The following TAF8 variants were observed in gnomAD, a reference collection of about 807,000 sequenced individuals.
TAF8 encodes the protein transcription initiation factor TFIID subunit 8.
In TAF8, 47 loss-of-function variants were observed where a neutral mutation model predicts 36.5. The ratio of observed to expected loss-of-function variants is 1.29; its 90% CI spans 1.02 to 1.64. The LOEUF is 1.64. Among genes scored for constraint, TAF8 ranks in the 40% most tolerant of loss-of-function variants. The pLI is 0.00. For synonymous variants in TAF8, 175 were observed against 159.5 expected (o/e 1.10, Z -0.73); for missense variants, 420 against 407.6 (o/e 1.03, Z -0.26).
chr6:42,054,176 A>G (rs2127449099), intron 2 of TAF8, among the ~76,000 whole-genome samples: 1 of 152,278 alleles, frequency 6.6e-6, no homozygotes, highest in East Asian at 1.9e-4. Context: ...AAGCTCATTC[A>G]CAGAGCCGAG....
At chr6:42,064,050 T>G (rs1051046266) in intron 5 of TAF8, among the ~76,000 whole-genome samples, 2 of 152,236 alleles carry the variant, frequency 1.3e-5, no homozygotes, top group Non-Finnish European at 2.9e-5. Context: ...CATCATTGGC[T>G]GCTCTTAATA....
At chr6:42,052,326 C>T (rs943011493) in intron 2 of TAF8, among the ~76,000 whole-genome samples, 5 of 151,136 alleles carry the variant, frequency 3.3e-5, no homozygotes, top group Middle Eastern at 3.2e-3. Flanking sequence ...AGCCCCCCCC[C>T]CCTTTTTTTT....
At chr6:42,085,129 T>C (rs1582258205), downstream of TAF8, among the ~76,000 whole-genome samples, 1 of 152,192 alleles carries the variant, frequency 6.6e-6, no homozygotes, top group Non-Finnish European at 1.5e-5. Flanking sequence ...TTTTTATACA[T>C]GAATGGTAGC....
chr6:42,075,879 C>T (rs1343896193), intron 7 of TAF8, among the ~76,000 whole-genome samples: 1 of 152,184 alleles, frequency 6.6e-6, no homozygotes, highest in Admixed American at 6.5e-5. Flanking sequence ...TGTGAACTTA[C>T]AAACTTTTCT....
intron 7 of TAF8, among the ~76,000 whole-genome samples, chr6:42,076,307 G>A (rs1204993985): frequency 3.3e-5 from 5 of 151,942 alleles, no homozygotes; most frequent in African/African-American, 7.3e-5. Flanking sequence ...AAAATTAGCC[G>A]GGCGTCATGG....
chr6:42,074,550 T>C (rs917358528), intron 7 of TAF8, among the ~76,000 whole-genome samples: 2 of 152,196 alleles, frequency 1.3e-5, no homozygotes, highest in East Asian at 1.9e-4. Flanking sequence ...TTTTTGTTTT[T>C]TTGAGACAGA....
intron 7 of TAF8, among the ~76,000 whole-genome samples, chr6:42,069,484 T>C (rs748481233): frequency 1.6e-4 from 24 of 152,130 alleles, no homozygotes; most frequent in Admixed American, 6.5e-4. Context: ...AGAGTAGATA[T>C]GAGAGTTAAA....
intron 3 of TAF8, 116 bp from the exon 4 acceptor site, chr6:42,055,836 C>T (rs375708203): frequency 1.9e-5 from 15 of 806,504 alleles, no homozygotes; most frequent in African/African-American, 1.5e-4. Context: ...GCTTCTTTTG[C>T]GTGGCTGCAA....
rs1765034867 is a variant in TAF8 at position 42,057,433 on chromosome 6, G to A, written c.409G>A (p.Gly137Arg). ...QPVTPKALTA[G>R]QNRPHPPHIP... ...AGTGACCCCCAAGGCCCTCACTGCA[G>A]GGCAGAACCGACCCCACCCGCCGCA... The change falls in exon 5 of 9, where the codon GGG (glycine) becomes AGG (arginine). Residue 137 changes from glycine to arginine, a missense_variant. Coordinates refer to ENST00000372977, the MANE Select transcript of TAF8 (RefSeq NM_138572.3). 6.2e-7 allele frequency: 1 copy of A among 1,613,968 alleles called. No homozygotes were observed. Among genetic ancestry groups the A allele is most frequent in the Non-Finnish European group, 8.5e-7 (1 of 1,180,028 alleles).
chr6:42,084,538 CT>C (rs1409756152), downstream of TAF8, among the ~76,000 whole-genome samples: 2 of 152,184 alleles, frequency 1.3e-5, no homozygotes, highest in Non-Finnish European at 2.9e-5. Flanking sequence ...TCTCGGCTCA[CT>C]GCAACCTCCG....
At chr6:42,071,291 G>T in intron 7 of TAF8, 1 of 204,426 alleles carries the variant, frequency 4.9e-6, no homozygotes, top group South Asian at 5.5e-5. Flanking sequence ...TTTGCTGAAG[G>T]TCTTATTTGC....
In TAF8 at chr6:42,070,352, C is replaced by T. The variant is rs572864331; in HGVS notation, c.780+1745C>T. 4.0e-4 allele frequency among the ~76,000 whole-genome samples: 60 copies of T among 151,734 alleles called. 1 individual carries two copies. The South Asian group carries it at 7.9e-3, about 20-fold the overall frequency. On this transcript the variant is annotated intron_variant, in intron 7 of 8. Coordinates refer to ENST00000372977, the MANE Select transcript of TAF8 (RefSeq NM_138572.3). The stretch of plus-strand genomic sequence containing the variant: ...AAATACAAAAAAAAAATTAGCCAGG[C>T]GTGGTGGCAGGCGCCTGTAGTCCCA...
chr6:42,050,698 G>A, intron 1 of TAF8, 112 bp downstream of exon 1: 3 of 1,315,920 alleles, frequency 2.3e-6, no homozygotes, highest in Non-Finnish European at 2.0e-6. Flanking sequence ...CATGAGCTCC[G>A]ACTGGCGGAG....
intron 1 of TAF8, chr6:42,050,798 G>C: frequency 1.1e-6 from 1 of 896,376 alleles, no homozygotes; most frequent in Non-Finnish European, 1.6e-6. Context: ...CTCGTTCGCT[G>C]TTGGGGGTTG....
At chr6:42,069,816 A>G (rs1238021256) in intron 7 of TAF8, among the ~76,000 whole-genome samples, 5 of 152,192 alleles carry the variant, frequency 3.3e-5, no homozygotes, top group Non-Finnish European at 7.3e-5. Flanking sequence ...AAGAGGAGGC[A>G]CATTGAGTCC....
rs1765849384 is a variant in TAF8 at position 42,079,223 on chromosome 6, A to T, written c.*1678A>T. The T allele has an allele frequency of 1.0e-6, 1 of 985,478 alleles. No individual in the cohort carries two copies. The highest frequency in any genetic ancestry group is 4.7e-5 in the South Asian group (1 of 21,282). 61.0% of individuals were successfully genotyped at this position (985,478 alleles called of 1,614,324 possible). A position where few individuals can be genotyped will look rare whatever the true frequency, so the allele number is the denominator to read the frequency against. On this transcript the variant is annotated 3_prime_UTR_variant, in exon 9 of 9. Transcript: ENST00000372977. ...CTCATCTTGTATTCTGAAAGCTGAG[A>T]AACGGCTGGTCAGCTGGAAGGCTGG...
Position 42,051,512 on chromosome 6 carries a change from CT to C in TAF8, c.202del (p.Tyr68ThrfsTer57). On this transcript the variant is annotated frameshift_variant and splice_region_variant, in exon 2 of 9. Coordinates refer to ENST00000372977, the MANE Select transcript of TAF8 (RefSeq NM_138572.3). LOFTEE classifies it high-confidence loss of function. ...AAACGCTGACAGAGATGCTGCAGAG[CT>C]GTGAGTACATGGAAACACTTGGCCT... ...VETLTEMLQSYISEIGRSAKS... is the reference protein window; with the variant it reads ...VETLTEMLQSXISEIGRSAKS... The C allele has an allele frequency of 6.2e-7, 1 of 1,613,754 alleles. No individual in the cohort carries two copies. Among genetic ancestry groups the C allele is most frequent in the Admixed American group, 1.7e-5 (1 of 60,018 alleles).
chr6:42,081,067 A>G lies in TAF8; in HGVS notation c.*3522A>G. On this transcript the variant is annotated 3_prime_UTR_variant, in exon 9 of 9. Transcript: ENST00000372977. ...CAAAATTAGAGAGCAAAATATATGA[A>G]CCCCTGTATATGCCTCATCAAGCTT... is the stretch of plus-strand genomic sequence containing the variant. The G allele has an allele frequency of 3.4e-6, 2 of 584,890 alleles. No individual in the cohort carries two copies. The highest frequency in any genetic ancestry group is 4.3e-6 in the Non-Finnish European group (2 of 465,062). 36.2% of individuals were successfully genotyped at this position (584,890 alleles called of 1,614,324 possible). A position where few individuals can be genotyped will look rare whatever the true frequency, so the allele number is the denominator to read the frequency against.
chr6:42,065,185 A>C (rs1765319471), intron 5 of TAF8, among the ~76,000 whole-genome samples: 2 of 151,714 alleles, frequency 1.3e-5, no homozygotes. Flanking sequence ...ATCTCTACTA[A>C]AAATACAAAA....
Sources: gnomAD v4.1 joint callset for allele counts (sites outside exome capture counted in the v4.1 genomes callset) on GRCh38, gnomAD v4.1.1 for gene constraint, MANE v1.5 for transcripts, NCBI Gene and HGNC (gene_info 2026-07-23, HGNC 2026-07-21) for gene names.